Variants in PNLIP observed in about 807,000 individuals in gnomAD.
PNLIP encodes the protein pancreatic lipase.
Under a neutral mutation model 57.1 loss-of-function variants are expected in PNLIP, and 49 were observed. The observed-to-expected ratio is 0.86, with a 90% CI of 0.68 to 1.09. PNLIP has a LOEUF of 1.09. Ranked by LOEUF, PNLIP falls within the 50% of genes least tolerant of loss-of-function variation. The pLI, the probability that PNLIP is intolerant of heterozygous loss-of-function variation, is 0.00. For missense variants in PNLIP, 503 were observed against 570.2 expected, an observed-to-expected ratio of 0.88 and a Z score of 1.20; for synonymous variants, 209 against 200.4, an observed-to-expected ratio of 1.04 and a Z score of -0.36.
intron 6 of PNLIP, 98 bp downstream of exon 6, chr10:116,553,936 T>A: frequency 1.8e-6 from 1 of 546,574 alleles, no homozygotes; most frequent in East Asian, 3.3e-5. Context: ...GCGAGACTCC[T>A]ATCTCCTTAA....
At chr10:116,557,579 G>T (rs1364134954) in intron 9 of PNLIP, among the ~76,000 whole-genome samples, 1 of 152,164 alleles carries the variant, frequency 6.6e-6, no homozygotes, top group Non-Finnish European at 1.5e-5. Flanking sequence ...CTCTAGCAAT[G>T]CCCTCAGAGA....
At position 116,546,107 on chromosome 10, in the gene PNLIP, G is replaced by A; in HGVS notation, c.15G>A (p.Trp5Ter). The change falls in exon 2 of 13, where the codon TGG becomes TGA. Residue 5 changes from tryptophan (W) to a stop codon, truncating the protein, a stop_gained. Transcript: ENST00000369221. LOFTEE classifies it high-confidence loss of function. ...ATTTCGTGTAGATGCTGCCACTTTG[G>A]ACTCTTTCACTGCTGCTGGGAGCAG... The part of the protein sequence containing the change: MLPL[W>*]TLSLLLGAVA... 1 of 1,613,642 alleles carries A rather than the reference G, an allele frequency of 6.2e-7. No individual in the cohort carries two copies. Among genetic ancestry groups the A allele is most frequent in the South Asian group, 1.1e-5 (1 of 91,026 alleles).
At chr10:116,555,581 T>C in intron 8 of PNLIP, 74 bp downstream of exon 8, 1 of 1,517,352 alleles carries the variant, frequency 6.6e-7, no homozygotes, top group South Asian at 1.2e-5. Context: ...CTTGCTAAAT[T>C]CTTTGGAATT....
At chr10:116,547,502 G>A (rs144815414) in intron 3 of PNLIP, 54 bp downstream of exon 3, 473 of 1,452,438 alleles carry the variant, frequency 3.3e-4, no homozygotes, top group Non-Finnish European at 4.1e-4. Context: ...CGAGGCGGGC[G>A]GTTCACGAGG....
intron 12 of PNLIP, among the ~76,000 whole-genome samples, chr10:116,564,160 G>A (rs1440324776): frequency 6.6e-6 from 1 of 152,088 alleles, no homozygotes; most frequent in Non-Finnish European, 1.5e-5. Flanking sequence ...ACATTATTCA[G>A]GTGATTACAC....
chr10:116,551,119 G>C lies in PNLIP; in HGVS notation c.346G>C (p.Val116Leu), dbSNP rs759952490. The C allele has an allele frequency of 1.2e-6, 2 of 1,608,182 alleles. No individual in the cohort carries two copies. The highest frequency in any genetic ancestry group is 1.7e-6 in the Non-Finnish European group (2 of 1,176,904). The change falls in exon 5 of 13, where the codon GTG becomes CTG. Residue 116 changes from valine (V) to leucine (L), a missense_variant. Val to Leu is a conservative substitution (Grantham distance 32). Coordinates refer to ENST00000369221, the MANE Select transcript of PNLIP (RefSeq NM_000936.4). Reference sequence around the variant, plus strand: ...CCAGAATCTGTTCAAGGTGGAAAGTGTGAACTGTATCTGTGTGGACTGGAA... The same window carrying C: ...CCAGAATCTGTTCAAGGTGGAAAGTCTGAACTGTATCTGTGTGGACTGGAA... ...VCKNLFKVES[V>L]NCICVDWKGG...
Position 116,547,320 on chromosome 10 carries a change from G to T in PNLIP, c.73G>T (p.Gly25Cys). 1 of 1,614,002 alleles carries T rather than the reference G, an allele frequency of 6.2e-7. No individual in the cohort carries two copies. The highest frequency in any genetic ancestry group is 8.5e-7 in the Non-Finnish European group (1 of 1,179,964). ...AGKEVCYERL[G>C]CFSDDSPWSG... is the part of the protein sequence containing the mutation. Reference sequence around the variant, plus strand: ...AAAAGAAGTTTGCTACGAAAGACTCGGCTGCTTCAGTGATGACTCCCCATG... The same window carrying T: ...AAAAGAAGTTTGCTACGAAAGACTCTGCTGCTTCAGTGATGACTCCCCATG... The change falls in exon 3 of 13, where the codon GGC becomes TGC. Residue 25 changes from glycine (G) to cysteine (C), a missense_variant. Coordinates refer to ENST00000369221, the MANE Select transcript of PNLIP (RefSeq NM_000936.4).
At position 116,546,148 on chromosome 10, in the gene PNLIP, C is replaced by G. The variant is rs1847120877; in HGVS notation, c.46+10C>G. ...CTGGGAGCAGTAGCAGGTAAGAAAA[C>G]AAATAAATGTTGAGCTGGGAGAGAT... On this transcript the variant is annotated intron_variant, in intron 2 of 12. Coordinates refer to ENST00000369221, the MANE Select transcript of PNLIP (RefSeq NM_000936.4). 2 of 1,611,672 alleles carry G rather than the reference C, an allele frequency of 1.2e-6. No individual in the cohort carries two copies. The highest frequency in any genetic ancestry group is 1.3e-5 in the African/African-American group (1 of 74,864).
At chr10:116,550,813 A>G (rs113387719) in intron 4 of PNLIP, among the ~76,000 whole-genome samples, 130 of 152,298 alleles carry the variant, frequency 8.5e-4, no homozygotes, top group African/African-American at 3.0e-3. Context: ...ACCACATTTT[A>G]TACAGTTTAT....
In PNLIP at chr10:116,561,477, C is replaced by G. The variant is rs1451967765; in HGVS notation, c.1175C>G (p.Thr392Ser). 3.1e-6 allele frequency: 5 copies of G among 1,611,336 alleles called. 1 individual carries two copies. The East Asian group carries it at 1.1e-4, about 36-fold the overall frequency. The change falls in exon 12 of 13, where the codon ACT becomes AGT. Residue 392 changes from threonine (T) to serine (S), a missense_variant. Thr to Ser is a moderately conservative substitution (Grantham distance 58). Coordinates refer to ENST00000369221, the MANE Select transcript of PNLIP (RefSeq NM_000936.4). ...TTAACTTCTTAAATCCTTAGGGGCA[C>G]TCTCAAACCAGATAGTACTCATTCC... is the stretch of plus-strand genomic sequence containing the variant. ...NSKQYEIFKG[T>S]LKPDSTHSNE...
chr10:116,547,229 T>C (rs1328032525), intron 2 of PNLIP, 65 bp from the exon 3 acceptor site: 2 of 1,479,496 alleles, frequency 1.4e-6, no homozygotes, highest in African/African-American at 2.8e-5. Context: ...TGAACTCATA[T>C]ATTGGCAGAC....
At chr10:116,560,349 G>A in intron 10 of PNLIP, 67 bp from the exon 11 acceptor site, 1 of 749,518 alleles carries the variant, frequency 1.3e-6, no homozygotes, top group South Asian at 1.6e-5. Context: ...GTAGTGGGAT[G>A]CAAATTAACT....
At position 116,553,799 on chromosome 10, in the gene PNLIP, G is replaced by C; in HGVS notation, c.532G>C (p.Ala178Pro). The change falls in exon 6 of 13, where the codon GCT (alanine) becomes CCT (proline). Residue 178 changes from alanine to proline, a missense_variant. By Grantham distance (27) the Ala-to-Pro change is conservative (BLOSUM62 -1). Coordinates refer to ENST00000369221, the MANE Select transcript of PNLIP (RefSeq NM_000936.4). ...HSLGAHAAGEAGRRTNGTIGR... is the reference protein window; with the variant it reads ...HSLGAHAAGEPGRRTNGTIGR... ...CCTGGGTGCCCACGCTGCTGGGGAG[G>C]CTGGAAGGAGAACCAATGGGACCAT... 1 of 1,613,144 alleles carries C rather than the reference G, an allele frequency of 6.2e-7. No individual in the cohort carries two copies. The highest frequency in any genetic ancestry group is 8.5e-7 in the Non-Finnish European group (1 of 1,179,416).
rs550290778 is a variant in PNLIP, at chr10:116,556,232, C to T, written c.930+114C>T. 8 of 663,914 alleles carry T rather than the reference C, an allele frequency of 1.2e-5. No homozygotes were observed. In the South Asian group the frequency reaches 1.5e-4, roughly 13 times the overall value. 41.1% of individuals were successfully genotyped at this position (663,914 alleles called of 1,614,324 possible). ...GAATGTTTATACTTTTGAACTTATA[C>T]ATGCCTTTAATTATATGTATTTAAA... is the stretch of plus-strand genomic sequence containing the variant. On this transcript the variant is annotated intron_variant, in intron 9 of 12. Coordinates refer to ENST00000369221, the MANE Select transcript of PNLIP (RefSeq NM_000936.4).
intron 10 of PNLIP, among the ~76,000 whole-genome samples, 194 bp downstream of exon 10, chr10:116,559,477 T>C (rs1011892392): frequency 2.6e-5 from 4 of 152,202 alleles, no homozygotes; most frequent in African/African-American, 7.2e-5. Flanking sequence ...GGTCCTGGAC[T>C]CTTAATGCTG....
In PNLIP at chr10:116,560,595, G is replaced by A. The variant is rs1322146410; in HGVS notation, c.1169+71G>A. ...TGAGTCGGAGTCTCGCTGTGTCGCC[G>A]GGGCTGGAGTCTTGCTCTGTCACCC... On this transcript the variant is annotated intron_variant, in intron 11 of 12. Coordinates refer to ENST00000369221, the MANE Select transcript of PNLIP (RefSeq NM_000936.4). 33 of 685,176 alleles carry A rather than the reference G, an allele frequency of 4.8e-5. 1 individual carries two copies. Among genetic ancestry groups the A allele is most frequent in the Middle Eastern group, 4.2e-4 (1 of 2,396 alleles). 42.4% of individuals were successfully genotyped at this position (685,176 alleles called of 1,614,324 possible). A position where few individuals can be genotyped will look rare whatever the true frequency, so the allele number is the denominator to read the frequency against.
At chr10:116,563,538 G>A (rs148738618) in intron 12 of PNLIP, among the ~76,000 whole-genome samples, 126 of 151,982 alleles carry the variant, frequency 8.3e-4, no homozygotes, top group Non-Finnish European at 1.4e-3. Context: ...TTTATCCCTC[G>A]CCCCTCCCAC....
In PNLIP at chr10:116,555,283, T is replaced by C; in HGVS notation, c.677T>C (p.Ile226Thr). 6.2e-7 allele frequency: 1 copy of C among 1,614,198 alleles called. No individual in the cohort carries two copies. Among genetic ancestry groups the C allele is most frequent in the South Asian group, 1.1e-5 (1 of 91,084 alleles). ...VDVIHTDGAP[I>T]VPNLGFGMSQ... ...GTAATTCACACGGATGGTGCCCCCA[T>C]AGTCCCCAATTTGGGTGAGTTCCTC... The change falls in exon 7 of 13, where the codon ATA (isoleucine) becomes ACA (threonine). Residue 226 changes from isoleucine to threonine, a missense_variant. Coordinates refer to ENST00000369221, the MANE Select transcript of PNLIP (RefSeq NM_000936.4).
chr10:116,546,270 A>G (rs1847122498), intron 2 of PNLIP, 132 bp downstream of exon 2: 1 of 748,628 alleles, frequency 1.3e-6, no homozygotes, highest in Admixed American at 1.9e-5. Flanking sequence ...CAGGAGACGC[A>G]TAAGAGCACA....
Sources: allele counts gnomAD v4.1 joint callset (sites outside exome capture counted in the v4.1 genomes callset), GRCh38; gene constraint gnomAD v4.1.1; transcripts MANE v1.5; gene names NCBI Gene and HGNC (gene_info 2026-07-23, HGNC 2026-07-21).